ADH1B: variants seen among roughly 807,000 people sequenced by gnomAD.
The protein encoded by ADH1B is all-trans-retinol dehydrogenase [NAD(+)] ADH1B.
Under a neutral mutation model 34.6 loss-of-function variants are expected in ADH1B, and 29 were observed. The ratio of observed to expected loss-of-function variants is 0.84; its 90% confidence interval spans 0.62 to 1.14. The LOEUF is 1.14. Ranked by LOEUF, ADH1B falls within the 50% of genes most tolerant of loss-of-function variation. ADH1B has a pLI of 0.00. For missense variants in ADH1B, 424 were observed against 468.4 expected (o/e 0.91, Z 0.87); for synonymous variants, 170 against 175.5 (o/e 0.97, Z 0.25).
chr4:99,314,337 C>T, intron 5 of ADH1B: 4 of 550,642 alleles, frequency 7.3e-6, no homozygotes, highest in Admixed American at 7.1e-5. Context: ...CAGGTCACAG[C>T]CCATGTCAAT....
intron 2 of ADH1B, chr4:99,318,476 A>T (rs2110638543): frequency 1.9e-6 from 1 of 518,734 alleles, no homozygotes; most frequent in Non-Finnish European, 3.3e-6. Context: ...AAGTAGAAAT[A>T]GCAAAGTAAC....
chr4:99,310,959 A>G (rs1003451990), intron 7 of ADH1B, 56 bp from the exon 8 acceptor site: 7 of 1,580,592 alleles, frequency 4.4e-6, no homozygotes, highest in Non-Finnish European at 4.3e-6. Flanking sequence ...GGAGAATTGA[A>G]GAGAAGATTT....
At chr4:99,311,702 G>C in intron 6 of ADH1B, 46 bp from the exon 7 acceptor site, 3 of 1,606,288 alleles carry the variant, frequency 1.9e-6, no homozygotes, top group Non-Finnish European at 2.6e-6. Flanking sequence ...GAGTCGCATA[G>C]TTCCTACTCA....
chr4:99,308,171 T>C (rs1423929096), intron 8 of ADH1B, among the ~76,000 whole-genome samples: 1 of 152,104 alleles, frequency 6.6e-6, no homozygotes, highest in Non-Finnish European at 1.5e-5. Flanking sequence ...GTTCCTGGTA[T>C]AATAAGGAAT....
chr4:99,317,859 CAT>C (rs1733924095), intron 3 of ADH1B, 185 bp downstream of exon 3: 1 of 888,764 alleles, frequency 1.1e-6, no homozygotes, highest in East Asian at 2.5e-5. Context: ...GGGTACAATA[CAT>C]GAGTGCCTGA....
Position 99,307,793 on chromosome 4 carries a change from G to T in ADH1B, c.*47C>A, listed in dbSNP as rs374909016. The T allele has an allele frequency of 6.2e-7, 1 of 1,603,748 alleles. No homozygotes were observed. The highest frequency in any genetic ancestry group is 8.5e-7 in the Non-Finnish European group (1 of 1,170,844). On this transcript the variant is annotated 3_prime_UTR_variant, in exon 9 of 9. Transcript: ENST00000305046. ...CTAGCTGTTGCTCCAGATCTTGTAG[G>T]GTAGAGGAGGCTGAAGACTGCTACA...
chr4:99,320,992 T>A, intron 1 of ADH1B: 2 of 1,010,882 alleles, frequency 2.0e-6, no homozygotes, highest in Non-Finnish European at 2.6e-6. Flanking sequence ...AACTTGCCAT[T>A]AAAGACTTTT....
chr4:99,307,928 T>G, intron 8 of ADH1B, 64 bp from the exon 9 acceptor site: 2 of 1,603,348 alleles, frequency 1.2e-6, no homozygotes, highest in East Asian at 2.2e-5. Context: ...GTTGTGAGAG[T>G]CCAAGGAGCA....
At position 99,318,722 on chromosome 4, in the gene ADH1B, C is replaced by A. The variant is rs1164715312; in HGVS notation, c.120+63G>T. Reference sequence around the variant, plus strand: ...CTCTTAGTGGATTTTTGGATGTTTCCATTTTTAATGTTCTCTGAGTTTTTT... The same window carrying A: ...CTCTTAGTGGATTTTTGGATGTTTCAATTTTTAATGTTCTCTGAGTTTTTT... On this transcript the variant is annotated intron_variant, in intron 2 of 8. Transcript: ENST00000305046. The A allele has an allele frequency of 2.7e-6, 4 of 1,483,044 alleles. No homozygotes were observed. The East Asian group carries it at 7.0e-5, about 26-fold the overall frequency. 91.9% of individuals were successfully genotyped at this position (1,483,044 alleles called of 1,614,324 possible).
Position 99,307,804 on chromosome 4 carries a change from C to A in ADH1B, c.*36G>T. 6.2e-7 allele frequency: 1 copy of A among 1,611,906 alleles called. No homozygotes were observed. Among genetic ancestry groups the A allele is most frequent in the South Asian group, 1.1e-5 (1 of 91,018 alleles). Reference sequence around the variant, plus strand: ...TCCAGATCTTGTAGGGTAGAGGAGGCTGAAGACTGCTACAGGGGAAGGCAT... The same window carrying A: ...TCCAGATCTTGTAGGGTAGAGGAGGATGAAGACTGCTACAGGGGAAGGCAT... On this transcript the variant is annotated 3_prime_UTR_variant, in exon 9 of 9. Coordinates refer to ENST00000305046, the MANE Select transcript of ADH1B (RefSeq NM_000668.6).
At position 99,318,127 on chromosome 4, in the gene ADH1B, T is replaced by A. The variant is rs6413413; in HGVS notation, c.178A>T (p.Thr60Ser). 11,963 of 1,613,824 alleles carry A rather than the reference T, an allele frequency of 7.4e-3. 87 individuals are homozygous for A. The highest frequency in any genetic ancestry group is 0.012 in the Middle Eastern group (72 of 6,060). ...TGGCCTAAAATCACAGGAAGGGGGG[T>A]CACCAGGTTGCCACTAACCACGTGG... Reference protein sequence around the residue: ...DDHVVSGNLVTPLPVILGHEA... With the variant: ...DDHVVSGNLVSPLPVILGHEA... Residue 60 changes from threonine (T) to serine (S), a missense_variant, in exon 3 of 9, where the codon ACC (threonine) becomes TCC (serine). By Grantham distance (58) the Thr-to-Ser change is moderately conservative (BLOSUM62 1). Around this residue, in one of 3 missense-constraint regions of ADH1B, gnomAD observed 291 missense variants for 300.4 expected, o/e 0.97. Transcript: ENST00000305046.
In ADH1B at chr4:99,313,881, C is replaced by T; in HGVS notation, c.768G>A (p.Lys256=). ...AATCCACACCTCCATCAGTCATTTCCTTTAGCACTTCCTGAATGGGTTTCT... is the reference window on the plus strand; with the variant it reads ...AATCCACACCTCCATCAGTCATTTCTTTTAGCACTTCCTGAATGGGTTTCT... ...DYKKPIQEVL[K]EMTDGGVDFS... is the part of the protein sequence containing the mutation. The change falls in exon 6 of 9, where the codon AAG becomes AAA. Residue 256 remains lysine, a synonymous_variant. Coordinates refer to ENST00000305046, the MANE Select transcript of ADH1B (RefSeq NM_000668.6). 1 of 1,614,052 alleles carries T rather than the reference C, an allele frequency of 6.2e-7. No homozygotes were observed. The highest frequency in any genetic ancestry group is 2.2e-5 in the East Asian group (1 of 44,882).
At position 99,313,976 on chromosome 4, in the gene ADH1B, T is replaced by C. The variant is rs1733815621; in HGVS notation, c.673A>G (p.Ile225Val). The C allele has an allele frequency of 6.2e-7, 1 of 1,614,230 alleles. No homozygotes were observed. The highest frequency in any genetic ancestry group is 8.5e-7 in the Non-Finnish European group (1 of 1,180,044). ...GCCTTTGCAAATTTGTCCTTGTTGA[T>C]GTCCACCGCAATGATTCTGGCTGCT... ...AGAARIIAVD[I>V]NKDKFAKAKE... The change falls in exon 6 of 9, where the codon ATC (isoleucine) becomes GTC (valine). Residue 225 changes from isoleucine (I) to valine (V), a missense_variant. Physicochemically the swap from Ile to Val is conservative, Grantham distance 29. Around this residue, in one of 3 missense-constraint regions of ADH1B, gnomAD observed 291 missense variants for 300.4 expected, o/e 0.97. Transcript: ENST00000305046.
intron 4 of ADH1B, 25 bp from the exon 5 acceptor site, chr4:99,316,142 A>G: frequency 4.3e-6 from 7 of 1,614,178 alleles, no homozygotes; most frequent in Non-Finnish European, 5.1e-6. Flanking sequence ...ACACAGACAC[A>G]CAAAGGCATG....
rs868777692 is a variant in ADH1B at position 99,307,107 on chromosome 4, A to T, written c.*733T>A. 6.6e-6 allele frequency: 1 copy of T among 152,224 alleles called. No individual in the cohort carries two copies. Among genetic ancestry groups the T allele is most frequent in the Non-Finnish European group, 1.5e-5 (1 of 68,054 alleles). 9.4% of individuals were successfully genotyped at this position (152,224 alleles called of 1,614,324 possible). Reference sequence around the variant, plus strand: ...AAAAATTACAGATTTTTTGAACATGATTCTGGGAATAGTTCAGTTTTTACA... The same window carrying T: ...AAAAATTACAGATTTTTTGAACATGTTTCTGGGAATAGTTCAGTTTTTACA... On this transcript the variant is annotated 3_prime_UTR_variant, in exon 9 of 9. Coordinates refer to ENST00000305046, the MANE Select transcript of ADH1B (RefSeq NM_000668.6).
At position 99,313,827 on chromosome 4, in the gene ADH1B, G is replaced by A; in HGVS notation, c.822C>T (p.Asp274=). ...GGCATGTCATGGTACATACCATGGT[G>A]TCAAGCCGACCGATGACTTCAAACG... ...DFSFEVIGRL[D]TMMASLLCCH... Residue 274 remains aspartate, a synonymous_variant, in exon 6 of 9, where the codon GAC becomes GAT. Coordinates refer to ENST00000305046, the MANE Select transcript of ADH1B (RefSeq NM_000668.6). 3 of 1,614,030 alleles carry A rather than the reference G, an allele frequency of 1.9e-6. No individual in the cohort carries two copies. Among genetic ancestry groups the A allele is most frequent in the South Asian group, 1.1e-5 (1 of 91,080 alleles).
rs1291952095 is a variant in ADH1B at position 99,305,596 on chromosome 4, T to C, written c.*2244A>G. 3.4e-5 allele frequency: 4 copies of C among 117,512 alleles called. No homozygotes were observed. Among genetic ancestry groups the C allele is most frequent in the Non-Finnish European group, 7.1e-5 (4 of 55,980 alleles). 7.3% of individuals were successfully genotyped at this position (117,512 alleles called of 1,614,324 possible). A position where few individuals can be genotyped will look rare whatever the true frequency, so the allele number is the denominator to read the frequency against. ...ATATATATATATATATATATATATA[T>C]ATATATATATATACAATCACTTAAC... is the stretch of plus-strand genomic sequence containing the variant. On this transcript the variant is annotated 3_prime_UTR_variant, in exon 9 of 9. Transcript: ENST00000305046.
intron 8 of ADH1B, among the ~76,000 whole-genome samples, chr4:99,309,136 A>C (rs936371842): frequency 6.6e-6 from 1 of 152,068 alleles, no homozygotes; most frequent in East Asian, 1.9e-4. Flanking sequence ...GAATTTATGA[A>C]ATTATTTTCC....
chr4:99,317,500 T>G (rs1733916120), intron 3 of ADH1B: 1 of 152,298 alleles, frequency 6.6e-6, no homozygotes. Context: ...TCACCTAGCC[T>G]GTTTCATTGA....
Sources: allele counts gnomAD v4.1 joint callset (sites outside exome capture counted in the v4.1 genomes callset), GRCh38; gene constraint gnomAD v4.1.1; regional missense constraint gnomAD v4.1.1; transcripts MANE v1.5; gene names NCBI Gene and HGNC (gene_info 2026-07-23, HGNC 2026-07-21).